MAST4: variants seen among roughly 807,000 people sequenced by gnomAD.
The protein encoded by MAST4 is microtubule-associated serine/threonine-protein kinase 4.
MAST4 carries 89 observed loss-of-function variants against 162.7 expected under a neutral mutation model. The observed-to-expected ratio is 0.55, with a 90% CI of 0.46 to 0.65. The LOEUF is 0.65. MAST4 is among the 30% of genes least tolerant of loss of function. MAST4 has a pLI of 0.00. For missense variants in MAST4, 3,153 were observed against 3,374.0 expected (o/e 0.93, Z 1.62); for synonymous variants, 1,479 against 1,361.1 (o/e 1.09, Z -1.91).
intron 3 of MAST4, among the ~76,000 whole-genome samples, chr5:66,865,084 A>G (rs1369336261): frequency 1.3e-5 from 2 of 152,246 alleles, no homozygotes; most frequent in African/African-American, 4.8e-5. Context: ...CTCCTGAGTC[A>G]TTAGAGCCAC....
At chr5:66,993,920 A>ATC (rs796334866) in intron 4 of MAST4, among the ~76,000 whole-genome samples, 1 of 57,688 alleles carries the variant, frequency 1.7e-5, no homozygotes, top group Admixed American at 2.0e-4. Context: ...TGTGCAGAAG[A>ATC]CCCCCCCCCC....
intron 3 of MAST4, among the ~76,000 whole-genome samples, chr5:66,820,818 T>C (rs1561354145): frequency 1.3e-5 from 2 of 152,234 alleles, no homozygotes; most frequent in Non-Finnish European, 2.9e-5. Flanking sequence ...GATGTAATTT[T>C]TTCAATACCA....
chr5:66,654,205 T>C (rs1746406926), intron 1 of MAST4, among the ~76,000 whole-genome samples: 1 of 152,156 alleles, frequency 6.6e-6, no homozygotes, highest in South Asian at 2.1e-4. Context: ...AGGAGTAATG[T>C]TTAATAATGT....
At chr5:66,803,348 T>C (rs958124853) in intron 3 of MAST4, among the ~76,000 whole-genome samples, 12 of 152,336 alleles carry the variant, frequency 7.9e-5, no homozygotes, top group African/African-American at 2.9e-4. Flanking sequence ...ATGGTTGTTC[T>C]TCAAGAGCAT....
chr5:66,699,668 C>G (rs1749635829), intron 1 of MAST4, among the ~76,000 whole-genome samples: 2 of 151,948 alleles, frequency 1.3e-5, no homozygotes, highest in Non-Finnish European at 2.9e-5. Context: ...GAACAGAAAA[C>G]CAAACACCAC....
At chr5:66,837,891 TA>T (rs1397621115) in intron 3 of MAST4, among the ~76,000 whole-genome samples, 361 of 21,362 alleles carry the variant, frequency 0.017, 3 homozygotes, top group African/African-American at 0.037. Context: ...TATATATATA[TA>T]TATTTTTTTT....
intron 4 of MAST4, among the ~76,000 whole-genome samples, chr5:67,017,377 A>G (rs950641577): frequency 7.2e-5 from 11 of 152,156 alleles, no homozygotes; most frequent in Non-Finnish European, 1.3e-4. Context: ...TCTTATTACT[A>G]TTAACCTAGG....
At chr5:66,948,344 G>A (rs963428797) in intron 4 of MAST4, among the ~76,000 whole-genome samples, 16 of 152,090 alleles carry the variant, frequency 1.1e-4, no homozygotes, top group Admixed American at 6.6e-5. Flanking sequence ...CATTACTAGC[G>A]TTCATATATA....
At chr5:67,004,221 C>T (rs1034847926) in intron 4 of MAST4, among the ~76,000 whole-genome samples, 3 of 152,012 alleles carry the variant, frequency 2.0e-5, no homozygotes, top group Admixed American at 2.0e-4. Flanking sequence ...CGCCTGCTCC[C>T]TTTCCCGTGA....
chr5:66,835,429 TCC>T (rs1757897679), intron 3 of MAST4, among the ~76,000 whole-genome samples: 1 of 152,170 alleles, frequency 6.6e-6, no homozygotes, highest in Non-Finnish European at 1.5e-5. Flanking sequence ...AATCTTATGG[TCC>T]CTTTTTACGA....
chr5:66,618,033 T>TGGG (rs66792189), intron 1 of MAST4, among the ~76,000 whole-genome samples: 1,891 of 143,164 alleles, frequency 0.013, 23 homozygotes, highest in Middle Eastern at 0.035. Context: ...CTGGGAGGAA[T>TGGG]GGGGGGGGGG....
intron 1 of MAST4, among the ~76,000 whole-genome samples, chr5:66,615,103 A>T (rs1743582794): frequency 6.6e-6 from 1 of 152,140 alleles, no homozygotes; most frequent in Non-Finnish European, 1.5e-5. Flanking sequence ...AAAAAGTTTA[A>T]ACCTACAGAA....
In MAST4 at chr5:66,750,166, G is replaced by A. The variant is rs545715887; in HGVS notation, c.364-9543G>A. Among the ~76,000 whole-genome samples the A allele has an allele frequency of 6.0e-4, 92 of 152,274 alleles. 2 individuals are homozygous for A. In the South Asian group the frequency reaches 8.9e-3, roughly 15 times the overall value. ...TCTTCTCTTTTTTTAAGCATAAAAA[G>A]GACTTTACTGGTGAGCCTCTCATTA... On this transcript the variant is annotated intron_variant, in intron 1 of 28. Transcript: ENST00000403625.
chr5:66,940,148 C>A (rs1015904086), intron 4 of MAST4, among the ~76,000 whole-genome samples: 1 of 152,058 alleles, frequency 6.6e-6, no homozygotes, highest in Non-Finnish European at 1.5e-5. Flanking sequence ...TTTAAAAATA[C>A]TTTATTGCTA....
intron 1 of MAST4, among the ~76,000 whole-genome samples, chr5:66,697,742 T>TA (rs1344696354): frequency 1.3e-5 from 2 of 152,240 alleles, no homozygotes; most frequent in Non-Finnish European, 2.9e-5. Flanking sequence ...TATTATTTTT[T>TA]ATTTTCTTCT....
chr5:66,647,836 C>T (rs1215459772), intron 1 of MAST4, among the ~76,000 whole-genome samples: 1 of 152,084 alleles, frequency 6.6e-6, no homozygotes, highest in Non-Finnish European at 1.5e-5. Flanking sequence ...CTCTTATTGC[C>T]TTAAACATAG....
intron 4 of MAST4, among the ~76,000 whole-genome samples, chr5:66,991,887 C>CT (rs945108625): frequency 1.6e-4 from 25 of 152,232 alleles, no homozygotes; most frequent in Admixed American, 5.2e-4. Context: ...GGCCTTCCTG[C>CT]TTTTTTCTGT....
chr5:66,693,231 G>A (rs1214012180), intron 1 of MAST4, among the ~76,000 whole-genome samples: 2 of 152,070 alleles, frequency 1.3e-5, no homozygotes, highest in South Asian at 4.2e-4. Flanking sequence ...GATCAGTGTT[G>A]TAATCACATG....
chr5:67,147,877 G>T (rs1286828627), intron 23 of MAST4, among the ~76,000 whole-genome samples: 7 of 152,208 alleles, frequency 4.6e-5, no homozygotes, highest in Non-Finnish European at 1.0e-4. Flanking sequence ...GGTCAGATGG[G>T]TGTTATGTGG....
Sources: allele counts gnomAD v4.1 joint callset (sites outside exome capture counted in the v4.1 genomes callset), GRCh38; gene constraint gnomAD v4.1.1; transcripts MANE v1.5; gene names NCBI Gene and HGNC (gene_info 2026-07-23, HGNC 2026-07-21).